GPM6A: variants seen among roughly 807,000 people sequenced by gnomAD.
GPM6A encodes the protein neuronal membrane glycoprotein M6-a.
A neutral mutation model predicts 32.1 loss-of-function variants in GPM6A; 7 were observed. The ratio of observed to expected loss-of-function variants is 0.22; its 90% CI spans 0.12 to 0.41. The LOEUF is 0.41. GPM6A is among the 10% of genes least tolerant of loss of function. The pLI, the probability that GPM6A is intolerant of heterozygous loss-of-function variation, is 1.00. For missense variants in GPM6A, 235 were observed against 347.2 expected (o/e 0.68, Z 2.57); for synonymous variants, 130 against 123.4 (o/e 1.05, Z -0.35).
rs1437854640 is a variant in GPM6A at position 175,634,701 on chromosome 4, A to G, written c.*204T>C. 1 of 495,326 alleles carries G rather than the reference A, an allele frequency of 2.0e-6. No homozygotes were observed. Among genetic ancestry groups the G allele is most frequent in the Non-Finnish European group, 3.6e-6 (1 of 281,386 alleles). 30.7% of individuals were successfully genotyped at this position (495,326 alleles called of 1,614,324 possible). On this transcript the variant is annotated 3_prime_UTR_variant, in exon 7 of 7. Transcript: ENST00000393658. ...AAAAAAAGGCTGGATAGGAGCTTGT[A>G]GAAAAGATCTGATTTACATCAATTT... is the stretch of plus-strand genomic sequence containing the variant.
At chr4:175,780,119 C>T (rs1733560127) in intron 1 of GPM6A, among the ~76,000 whole-genome samples, 1 of 151,434 alleles carries the variant, frequency 6.6e-6, no homozygotes, top group South Asian at 2.1e-4. Flanking sequence ...GTGATCTCGG[C>T]TCACTGCAAC....
chr4:175,951,223 C>T (rs1237102780), intron 1 of GPM6A, among the ~76,000 whole-genome samples: 3 of 152,108 alleles, frequency 2.0e-5, no homozygotes, highest in Non-Finnish European at 2.9e-5. Flanking sequence ...CCCAACTGAC[C>T]CTGTAACAAG....
chr4:175,846,581 T>C (rs1386634603), intron 1 of GPM6A, among the ~76,000 whole-genome samples: 1 of 152,172 alleles, frequency 6.6e-6, no homozygotes, highest in African/African-American at 2.4e-5. Flanking sequence ...AAGAATATTA[T>C]ATGGTGCAAA....
intron 1 of GPM6A, among the ~76,000 whole-genome samples, chr4:175,727,004 A>C (rs1731193413): frequency 6.6e-6 from 1 of 152,142 alleles, no homozygotes. Flanking sequence ...TCAATACATA[A>C]ATAAATAAAA....
chr4:175,739,685 T>A (rs1731802417), intron 1 of GPM6A, among the ~76,000 whole-genome samples: 1 of 152,178 alleles, frequency 6.6e-6, no homozygotes, highest in Admixed American at 6.5e-5. Context: ...AAACCTCAAA[T>A]TCTTAAGGTT....
At chr4:175,908,417 C>T (rs563063214) in intron 1 of GPM6A, among the ~76,000 whole-genome samples, 132 of 152,190 alleles carry the variant, frequency 8.7e-4, no homozygotes, top group African/African-American at 2.9e-3. Context: ...AGAAGACTGC[C>T]AATATCCTAC....
intron 1 of GPM6A, among the ~76,000 whole-genome samples, chr4:175,739,381 A>C (rs1731790809): frequency 6.6e-6 from 1 of 152,140 alleles, no homozygotes; most frequent in Admixed American, 6.5e-5. Flanking sequence ...TTCAGACATG[A>C]GATCTGCCAT....
intron 6 of GPM6A, among the ~76,000 whole-genome samples, chr4:175,637,647 A>C (rs1200143689): frequency 1.7e-4 from 3 of 17,516 alleles, no homozygotes; most frequent in African/African-American, 2.9e-4. Context: ...TATATATTAT[A>C]TAAAATATAA....
intron 1 of GPM6A, among the ~76,000 whole-genome samples, chr4:175,873,757 C>T (rs1190511834): frequency 6.6e-6 from 1 of 152,178 alleles, no homozygotes; most frequent in Non-Finnish European, 1.5e-5. Context: ...TTGGTCTCCT[C>T]ACTATTACAG....
At chr4:175,721,462 C>A (rs1016025064) in intron 1 of GPM6A, among the ~76,000 whole-genome samples, 1 of 150,200 alleles carries the variant, frequency 6.7e-6, no homozygotes, top group Non-Finnish European at 1.5e-5. Flanking sequence ...GGTGACAGAG[C>A]GAGACTCCGT....
intron 1 of GPM6A, among the ~76,000 whole-genome samples, chr4:175,841,299 T>C (rs1270892107): frequency 6.6e-6 from 1 of 152,194 alleles, no homozygotes; most frequent in Non-Finnish European, 1.5e-5. Flanking sequence ...AAATGGATTC[T>C]GGAATTCTTT....
intron 3 of GPM6A, among the ~76,000 whole-genome samples, chr4:175,669,980 C>G (rs1314445034): frequency 6.6e-6 from 1 of 151,922 alleles, no homozygotes; most frequent in Non-Finnish European, 1.5e-5. Flanking sequence ...AAACATGGAA[C>G]CGGGTGTTCT....
At chr4:175,692,535 G>A (rs1744355081) in intron 2 of GPM6A, among the ~76,000 whole-genome samples, 1 of 151,974 alleles carries the variant, frequency 6.6e-6, no homozygotes, top group African/African-American at 2.4e-5. Flanking sequence ...TGTTTTTAGT[G>A]ACACATTTTG....
intron 1 of GPM6A, among the ~76,000 whole-genome samples, chr4:175,933,832 C>T (rs569369158): frequency 1.3e-5 from 2 of 152,316 alleles, no homozygotes; most frequent in East Asian, 1.9e-4. Flanking sequence ...GCGTGAGCCA[C>T]TGCGCCCGGC....
chr4:175,697,749 C>T (rs1375479770), intron 2 of GPM6A, among the ~76,000 whole-genome samples: 1 of 152,094 alleles, frequency 6.6e-6, no homozygotes, highest in Non-Finnish European at 1.5e-5. Context: ...ATTCTTCTCT[C>T]TCTCTGGAGG....
At chr4:175,948,293 C>T (rs1201420168) in intron 1 of GPM6A, among the ~76,000 whole-genome samples, 1 of 152,140 alleles carries the variant, frequency 6.6e-6, no homozygotes, top group East Asian at 1.9e-4. Flanking sequence ...GAGGGTGGAG[C>T]TCTCATAAAT....
chr4:175,922,392 C>T (rs762540038), intron 1 of GPM6A, among the ~76,000 whole-genome samples: 76 of 152,276 alleles, frequency 5.0e-4, no homozygotes, highest in Non-Finnish European at 1.0e-3. Context: ...CCCTTGGACT[C>T]TTCAGCCTGA....
At chr4:176,000,392 CA>C (rs1179774724) in intron 1 of GPM6A, among the ~76,000 whole-genome samples, 1 of 152,180 alleles carries the variant, frequency 6.6e-6, no homozygotes, top group East Asian at 1.9e-4. Context: ...CCATCCCCCA[CA>C]ACAAAATCTT....
intron 3 of GPM6A, among the ~76,000 whole-genome samples, chr4:175,666,860 C>T (rs1742781771): frequency 1.3e-5 from 2 of 152,170 alleles, no homozygotes; most frequent in South Asian, 4.1e-4. Flanking sequence ...TGAGCATTTG[C>T]TATCCTTGAG....
Sources: gnomAD v4.1 joint callset for allele counts (sites outside exome capture counted in the v4.1 genomes callset) on GRCh38, gnomAD v4.1.1 for gene constraint, MANE v1.5 for transcripts, NCBI Gene and HGNC (gene_info 2026-07-23, HGNC 2026-07-21) for gene names.